The following CRPPA variants were observed in gnomAD, a reference collection of about 807,000 sequenced individuals.
CRPPA encodes D-ribitol-5-phosphate cytidylyltransferase.
Under a neutral mutation model 52.0 loss-of-function variants are expected in CRPPA, and 43 were observed. The observed-to-expected ratio is 0.83, with a 90% CI of 0.65 to 1.07. The LOEUF is 1.07. Among genes scored for constraint, CRPPA ranks in the 50% least tolerant of loss-of-function variants. The pLI, the probability that CRPPA is intolerant of heterozygous loss-of-function variation, is 0.00. For missense variants in CRPPA, 629 were observed against 551.7 expected (o/e 1.14, Z -1.40); for synonymous variants, 250 against 203.5 (o/e 1.23, Z -1.94).
At chr7:16,260,335 T>A (rs182613262) in intron 6 of CRPPA, among the ~76,000 whole-genome samples, 134 of 152,128 alleles carry the variant, frequency 8.8e-4, no homozygotes, top group African/African-American at 2.9e-3. Flanking sequence ...TTACTTGGCA[T>A]TCCAGAGTTA....
In CRPPA at chr7:16,404,187, CTG is replaced by C. The variant is rs1245294506; in HGVS notation, c.534+1872_534+1873del. The stretch of plus-strand genomic sequence containing the variant: ...AACAAGGCAATATTTCTAAAAGAAA[CTG>C]TATTTCTGAGGTTTCCTTAAACAAG... On this transcript the variant is annotated intron_variant, in intron 2 of 9. Coordinates refer to ENST00000407010, the MANE Select transcript of CRPPA (RefSeq NM_001101426.4). 7.9e-5 allele frequency among the ~76,000 whole-genome samples: 12 copies of C among 152,294 alleles called. 1 individual carries two copies. Among genetic ancestry groups the C allele is most frequent in the African/African-American group, 2.9e-4 (12 of 41,564 alleles).
chr7:16,168,396 A>G (rs1322319896), intron 9 of CRPPA, among the ~76,000 whole-genome samples: 2 of 152,166 alleles, frequency 1.3e-5, no homozygotes, highest in Non-Finnish European at 2.9e-5. Flanking sequence ...TAATGGTACT[A>G]AATTGAAATA....
At position 16,233,426 on chromosome 7, in the gene CRPPA, C is replaced by G. The variant is rs536492655; in HGVS notation, c.1120-17229G>C. ...GAGGAGATACATACTTCCTTTCAAT[C>G]TAACCCAGAACTGATAGGCATCAGA... On this transcript the variant is annotated intron_variant, in intron 8 of 9. Transcript: ENST00000407010. 2.3e-4 allele frequency among the ~76,000 whole-genome samples: 35 copies of G among 152,244 alleles called. No individual in the cohort carries two copies. The South Asian group carries it at 7.2e-3, about 32-fold the overall frequency.
At chr7:16,236,579 C>T (rs1225167385) in intron 8 of CRPPA, among the ~76,000 whole-genome samples, 1 of 152,100 alleles carries the variant, frequency 6.6e-6, no homozygotes, top group Non-Finnish European at 1.5e-5. Context: ...CATACAAGAA[C>T]AGTTCAGGCT....
At chr7:16,399,907 C>T (rs1787756444) in intron 2 of CRPPA, among the ~76,000 whole-genome samples, 1 of 151,966 alleles carries the variant, frequency 6.6e-6, no homozygotes, top group Admixed American at 6.6e-5. Context: ...ATGTGATCAA[C>T]ACGTGTGTGA....
intron 8 of CRPPA, among the ~76,000 whole-genome samples, chr7:16,251,206 G>T (rs558189254): frequency 6.6e-6 from 1 of 152,106 alleles, no homozygotes; most frequent in Non-Finnish European, 1.5e-5. Flanking sequence ...ACCCAATACA[G>T]GAGCACCCAG....
At chr7:16,325,001 C>T (rs1434654732) in intron 3 of CRPPA, among the ~76,000 whole-genome samples, 2 of 152,204 alleles carry the variant, frequency 1.3e-5, no homozygotes, top group African/African-American at 2.4e-5. Context: ...TGCCACTCAC[C>T]TCCACTTCTG....
intron 9 of CRPPA, among the ~76,000 whole-genome samples, chr7:16,130,304 A>G (rs915209628): frequency 6.6e-5 from 10 of 152,226 alleles, no homozygotes; most frequent in African/African-American, 2.4e-4. Context: ...ATCTCTAAAT[A>G]AAGTCTCCAG....
intron 3 of CRPPA, among the ~76,000 whole-genome samples, chr7:16,362,698 A>G (rs903176111): frequency 1.3e-5 from 2 of 152,318 alleles, no homozygotes; most frequent in African/African-American, 4.8e-5. Flanking sequence ...CTGTATCTCA[A>G]TTTGTCATGT....
intron 9 of CRPPA, among the ~76,000 whole-genome samples, chr7:16,189,395 G>A (rs1473478836): frequency 6.6e-6 from 1 of 152,050 alleles, no homozygotes; most frequent in African/African-American, 2.4e-5. Flanking sequence ...CAGAATGTAC[G>A]GTGATTTCTA....
At chr7:16,279,408 A>G (rs113708551) in intron 5 of CRPPA, among the ~76,000 whole-genome samples, 5,392 of 152,326 alleles carry the variant, frequency 0.035, 122 homozygotes, top group South Asian at 0.043. Flanking sequence ...CAAGATCAGT[A>G]TCATTCTGAA....
chr7:16,225,543 A>G (rs1448681133), intron 8 of CRPPA, among the ~76,000 whole-genome samples: 1 of 152,026 alleles, frequency 6.6e-6, no homozygotes, highest in African/African-American at 2.4e-5. Context: ...CTGTCAGAAT[A>G]TAAATCACCA....
chr7:16,354,525 A>G (rs1786247029), intron 3 of CRPPA, among the ~76,000 whole-genome samples: 4 of 152,182 alleles, frequency 2.6e-5, no homozygotes, highest in African/African-American at 9.6e-5. Flanking sequence ...ATGTAAACTA[A>G]TCAGCCTAAT....
At chr7:16,368,370 G>A (rs948417929) in intron 3 of CRPPA, among the ~76,000 whole-genome samples, 17 of 152,098 alleles carry the variant, frequency 1.1e-4, no homozygotes, top group East Asian at 3.9e-4. Flanking sequence ...AATAGTTTTC[G>A]TCTCCAATCT....
chr7:16,342,782 A>AAT (rs1554335213), intron 3 of CRPPA, among the ~76,000 whole-genome samples: 9 of 76,516 alleles, frequency 1.2e-4, no homozygotes, highest in South Asian at 5.9e-4. Context: ...AAAAAAAAAA[A>AAT]ATATATATAT....
intron 9 of CRPPA, among the ~76,000 whole-genome samples, chr7:16,177,672 T>C (rs994275428): frequency 2.0e-5 from 3 of 152,158 alleles, no homozygotes; most frequent in African/African-American, 7.2e-5. Context: ...GTTATAGTAC[T>C]AAGAGCAATT....
At chr7:16,121,502 A>C (rs1456541719) in intron 9 of CRPPA, among the ~76,000 whole-genome samples, 1 of 152,100 alleles carries the variant, frequency 6.6e-6, no homozygotes, top group Non-Finnish European at 1.5e-5. Flanking sequence ...TAAAAACCTT[A>C]ACTTGAAAAT....
intron 4 of CRPPA, among the ~76,000 whole-genome samples, chr7:16,308,268 T>C (rs2128424660): frequency 6.6e-6 from 1 of 152,306 alleles, no homozygotes; most frequent in East Asian, 1.9e-4. Context: ...CTAATAAAGC[T>C]ATCTACAGAG....
chr7:16,100,847 T>G (rs1262644217), intron 9 of CRPPA, among the ~76,000 whole-genome samples: 1 of 152,170 alleles, frequency 6.6e-6, no homozygotes, highest in African/African-American at 2.4e-5. Context: ...GTTTATTGAG[T>G]GTTTTTAGCA....
Sources: gnomAD v4.1 joint callset for allele counts (sites outside exome capture counted in the v4.1 genomes callset) on GRCh38, gnomAD v4.1.1 for gene constraint, MANE v1.5 for transcripts, NCBI Gene and HGNC (gene_info 2026-07-23, HGNC 2026-07-21) for gene names.